ABCD2: variants seen among roughly 807,000 people sequenced by gnomAD.
The protein encoded by ABCD2 is ATP-binding cassette sub-family D member 2.
In ABCD2, 36 loss-of-function variants were observed where a neutral mutation model predicts 70.9. The observed-to-expected ratio is 0.51, with a 90% CI of 0.39 to 0.67. The LOEUF (loss-of-function observed/expected upper bound fraction) is 0.67. Ranked by LOEUF, ABCD2 falls within the 30% of genes least tolerant of loss-of-function variation. The probability of loss-of-function intolerance (pLI) is 0.00; values close to 1 mark genes in which losing one functional copy is unlikely to be tolerated. For missense variants in ABCD2, 729 were observed against 890.2 expected, an observed-to-expected ratio of 0.82 and a Z score of 2.30; for synonymous variants, 304 against 306.9, an observed-to-expected ratio of 0.99 and a Z score of 0.10.
downstream of ABCD2, among the ~76,000 whole-genome samples, chr12:39,546,965 A>G (rs1444632757): frequency 6.6e-6 from 1 of 152,156 alleles, no homozygotes; most frequent in Non-Finnish European, 1.5e-5. Flanking sequence ...AATTGAGGCC[A>G]GATCATGGTG....
chr12:39,585,947 T>A (rs532207949), intron 7 of ABCD2, among the ~76,000 whole-genome samples: 1 of 152,192 alleles, frequency 6.6e-6, no homozygotes, highest in Admixed American at 6.5e-5. Flanking sequence ...GGAGACTTAA[T>A]AAAAACTTAG....
intron 6 of ABCD2, among the ~76,000 whole-genome samples, chr12:39,589,497 C>T (rs183505608): frequency 3.3e-5 from 5 of 149,596 alleles, no homozygotes; most frequent in African/African-American, 1.2e-4. Context: ...TCTCGCTGTT[C>T]TCTTGTCAGC....
chr12:39,600,764 AT>A, intron 5 of ABCD2, 48 bp from the exon 6 acceptor site: 1 of 1,503,404 alleles, frequency 6.7e-7, no homozygotes, highest in South Asian at 1.2e-5. Flanking sequence ...AAAATGATTT[AT>A]TTTGGCAGCA....
the ABCD2 span, among the ~76,000 whole-genome samples, chr12:39,537,681 T>C: frequency 6.6e-6 from 1 of 152,220 alleles, no homozygotes; most frequent in African/African-American, 2.4e-5. Flanking sequence ...TAACCACTTA[T>C]GTACATTTTT....
At chr12:39,568,188 G>GGAAGTTCT (rs1391583732) in intron 9 of ABCD2, among the ~76,000 whole-genome samples, 2 of 152,118 alleles carry the variant, frequency 1.3e-5, no homozygotes, top group Admixed American at 6.5e-5. Context: ...GCTAGATTGG[G>GGAAGTTCT]GAAGTTCTCC....
At chr12:39,568,280 G>A (rs1394892387) in intron 9 of ABCD2, among the ~76,000 whole-genome samples, 2 of 152,092 alleles carry the variant, frequency 1.3e-5, no homozygotes, top group East Asian at 3.8e-4. Flanking sequence ...ATGTAGATTT[G>A]GTCTTTTCAC....
intron 9 of ABCD2, among the ~76,000 whole-genome samples, chr12:39,556,367 C>T (rs187102724): frequency 2.0e-4 from 30 of 152,240 alleles, no homozygotes; most frequent in African/African-American, 4.8e-4. Context: ...AGAGACAAGG[C>T]GTAGGCAGTT....
At chr12:39,585,571 C>G (rs1364615068) in intron 7 of ABCD2, among the ~76,000 whole-genome samples, 3 of 152,036 alleles carry the variant, frequency 2.0e-5, no homozygotes, top group African/African-American at 4.8e-5. Flanking sequence ...TTGAAAGTAT[C>G]ACTAAACACA....
At chr12:39,567,455 C>T (rs966203403) in intron 9 of ABCD2, among the ~76,000 whole-genome samples, 5 of 151,922 alleles carry the variant, frequency 3.3e-5, no homozygotes, top group African/African-American at 1.2e-4. Context: ...GATTGCAACC[C>T]CTGCATTTTT....
chr12:39,611,437 A>G (rs1942043492), intron 2 of ABCD2, among the ~76,000 whole-genome samples: 1 of 152,202 alleles, frequency 6.6e-6, no homozygotes, highest in Non-Finnish European at 1.5e-5. Flanking sequence ...TTATTCTTCT[A>G]CTTTTTTCAA....
intron 2 of ABCD2, among the ~76,000 whole-genome samples, chr12:39,608,969 A>G (rs1591997314): frequency 6.6e-6 from 1 of 152,136 alleles, no homozygotes; most frequent in Admixed American, 6.5e-5. Flanking sequence ...GGACTTTAAT[A>G]TACTTTCCTT....
At position 39,564,087 on chromosome 12, in the gene ABCD2, T is replaced by C. The variant is rs970354653; in HGVS notation, c.2003+9629A>G. Among the ~76,000 whole-genome samples, 5 of 152,194 alleles carry C rather than the reference T, an allele frequency of 3.3e-5. No homozygotes were observed. The East Asian group carries it at 9.6e-4, about 29-fold the overall frequency. ...ATTGTGTAGAGTGCCACAATAAACATATGTGTGCATGTGTCTTTATAGCAG... is the reference window on the plus strand; with the variant it reads ...ATTGTGTAGAGTGCCACAATAAACACATGTGTGCATGTGTCTTTATAGCAG... On this transcript the variant is annotated intron_variant, in intron 9 of 9. Transcript: ENST00000308666.
intron 6 of ABCD2, among the ~76,000 whole-genome samples, chr12:39,591,566 G>A (rs769750706): frequency 1.3e-5 from 2 of 151,994 alleles, no homozygotes; most frequent in Non-Finnish European, 2.9e-5. Flanking sequence ...GCAAAAATTA[G>A]CCAGGTGTGG....
Position 39,551,349 on chromosome 12 carries a change from A to T in ABCD2, c.*2563T>A, listed in dbSNP as rs1375303961. 3 of 151,740 alleles carry T rather than the reference A, an allele frequency of 2.0e-5. No individual in the cohort carries two copies. The highest frequency in any genetic ancestry group is 2.0e-4 in the Admixed American group (3 of 15,224). The allele number at this position is 151,740 out of a possible 1,614,324, so 9.4% of individuals were successfully genotyped here. ...TTGGGCAAATAGATATAACATGGTA[A>T]AAGTAGTTTGAAACTTGAAATATTC... is the stretch of plus-strand genomic sequence containing the variant. On this transcript the variant is annotated 3_prime_UTR_variant, in exon 10 of 10. Coordinates refer to ENST00000308666, the MANE Select transcript of ABCD2 (RefSeq NM_005164.4).
chr12:39,595,796 C>T (rs1434266903), intron 6 of ABCD2, among the ~76,000 whole-genome samples: 1 of 152,044 alleles, frequency 6.6e-6, no homozygotes, highest in Non-Finnish European at 1.5e-5. Flanking sequence ...AGCAAGCTAC[C>T]GTCATCTTTT....
At chr12:39,572,603 A>G (rs2120590227) in intron 9 of ABCD2, among the ~76,000 whole-genome samples, 1 of 152,320 alleles carries the variant, frequency 6.6e-6, no homozygotes, top group Middle Eastern at 3.4e-3. Flanking sequence ...TAAAAGCCTG[A>G]TTGGATGAAT....
At chr12:39,600,076 T>A (rs1941875545) in intron 6 of ABCD2, among the ~76,000 whole-genome samples, 2 of 152,174 alleles carry the variant, frequency 1.3e-5, no homozygotes, top group African/African-American at 4.8e-5. Flanking sequence ...TACTCATTCT[T>A]ACAGTAAAAA....
chr12:39,560,198 C>A (rs1380635666), intron 9 of ABCD2, among the ~76,000 whole-genome samples: 1 of 152,086 alleles, frequency 6.6e-6, no homozygotes, highest in African/African-American at 2.4e-5. Flanking sequence ...GTGTGATGTT[C>A]CCCTTCCTGT....
At chr12:39,609,005 TC>T (rs1026015804) in intron 2 of ABCD2, among the ~76,000 whole-genome samples, 2 of 152,234 alleles carry the variant, frequency 1.3e-5, no homozygotes, top group African/African-American at 4.8e-5. Flanking sequence ...TTTTTCTCCT[TC>T]TTTAAGAGTT....
Sources: allele counts gnomAD v4.1 joint callset (sites outside exome capture counted in the v4.1 genomes callset), GRCh38; gene constraint gnomAD v4.1.1; transcripts MANE v1.5; gene names NCBI Gene and HGNC (gene_info 2026-07-23, HGNC 2026-07-21).